TAMM41: variants seen among roughly 807,000 people sequenced by gnomAD.
TAMM41 encodes the protein TAM41 mitochondrial translocator assembly and maintenance homolog.
In TAMM41, 36 loss-of-function variants were observed where a neutral mutation model predicts 44.1. That is an observed-to-expected ratio of 0.82 (90% CI 0.63 to 1.08). TAMM41 has a LOEUF of 1.08. Ranked by LOEUF, TAMM41 falls within the 50% of genes least tolerant of loss-of-function variation. The pLI is 0.00. For missense variants in TAMM41, 417 were observed against 404.3 expected (o/e 1.03, Z -0.27); for synonymous variants, 164 against 153.1 (o/e 1.07, Z -0.53).
chr3:11,729,539 A>ATTTTTTTTTTTTTTTTTTTTTTTT, the TAMM41 span, among the ~76,000 whole-genome samples: 1 of 32,272 alleles, frequency 3.1e-5, no homozygotes, highest in Non-Finnish European at 6.8e-5. Flanking sequence ...TCTTTCTTTC[A>ATTTTTTTTTTTTTTTTTTTTTTTT]TTTTTTTTTT....
chr3:11,771,841 C>T, the TAMM41 span, among the ~76,000 whole-genome samples: 1 of 152,204 alleles, frequency 6.6e-6, no homozygotes, highest in Admixed American at 6.5e-5. Flanking sequence ...CCTCGGCCTC[C>T]CAAAGTGTTG....
At position 11,809,688 on chromosome 3, in the gene TAMM41, G is replaced by A. The variant is rs1434952385; in HGVS notation, c.709-6C>T. On this transcript the variant is annotated splice_polypyrimidine_tract_variant and splice_region_variant and intron_variant, in intron 5 of 7. Coordinates refer to ENST00000455809, the MANE Select transcript of TAMM41 (RefSeq NM_001284401.2). ...CCTTCTGGGCTTTTATCTATCTGAA[G>A]GGAGGAAAAAAAAGACGACGTCTAT... The A allele has an allele frequency of 6.3e-7, 1 of 1,592,576 alleles. No homozygotes were observed. Among genetic ancestry groups the A allele is most frequent in the Admixed American group, 1.9e-5 (1 of 52,200 alleles).
At chr3:11,737,284 C>CATTATT in the TAMM41 span, among the ~76,000 whole-genome samples, 95 of 131,670 alleles carry the variant, frequency 7.2e-4, no homozygotes, top group Admixed American at 1.6e-3. Flanking sequence ...TGTTGGCTTA[C>CATTATT]ATTATTATTA....
intron 3 of TAMM41, among the ~76,000 whole-genome samples, chr3:11,838,872 A>C (rs2079303127): frequency 6.6e-6 from 1 of 151,886 alleles, no homozygotes; most frequent in African/African-American, 2.4e-5. Flanking sequence ...CCTATCCTGA[A>C]TCTATCTAGG....
At chr3:11,733,797 G>C in the TAMM41 span, among the ~76,000 whole-genome samples, 2 of 151,992 alleles carry the variant, frequency 1.3e-5, no homozygotes, top group Non-Finnish European at 2.9e-5. Flanking sequence ...GCCCGGCCAG[G>C]GGGGTCCTGA....
At chr3:11,807,477 C>T in intron 7 of TAMM41, 1 of 1,536,092 alleles carries the variant, frequency 6.5e-7, no homozygotes, top group Non-Finnish European at 8.7e-7. Flanking sequence ...GCAGTTGTCT[C>T]AGAGAAGGGG....
the TAMM41 span, among the ~76,000 whole-genome samples, chr3:11,777,243 A>G: frequency 1.3e-5 from 2 of 152,330 alleles, no homozygotes; most frequent in South Asian, 2.1e-4. Context: ...TATACCTTAA[A>G]TACATATAAT....
At chr3:11,734,575 C>T in the TAMM41 span, among the ~76,000 whole-genome samples, 1 of 152,134 alleles carries the variant, frequency 6.6e-6, no homozygotes. Context: ...TTGTAATTCT[C>T]TTACTCACTA....
intron 3 of TAMM41, among the ~76,000 whole-genome samples, chr3:11,835,902 A>G (rs1392485036): frequency 6.6e-6 from 1 of 152,122 alleles, no homozygotes; most frequent in Non-Finnish European, 1.5e-5. Flanking sequence ...AGGAAGCATC[A>G]GAGCTGGGAT....
chr3:11,805,464 G>C (rs372984146), intron 7 of TAMM41, among the ~76,000 whole-genome samples: 1 of 152,090 alleles, frequency 6.6e-6, no homozygotes, highest in East Asian at 1.9e-4. Context: ...AAGAGACAGG[G>C]TCTTGCTGTG....
At chr3:11,726,658 C>T in the TAMM41 span, among the ~76,000 whole-genome samples, 1 of 152,132 alleles carries the variant, frequency 6.6e-6, no homozygotes, top group Middle Eastern at 3.4e-3. Flanking sequence ...CAAAAATTAG[C>T]CAGGTATTGT....
chr3:11,728,653 C>T, the TAMM41 span, among the ~76,000 whole-genome samples: 2 of 152,136 alleles, frequency 1.3e-5, no homozygotes, highest in Non-Finnish European at 2.9e-5. Flanking sequence ...GCCCCTCTGG[C>T]GATTAGTCGA....
At chr3:11,763,507 G>A in the TAMM41 span, among the ~76,000 whole-genome samples, 1 of 152,192 alleles carries the variant, frequency 6.6e-6, no homozygotes, top group Non-Finnish European at 1.5e-5. Flanking sequence ...GTGGTCTGAA[G>A]GAGTGATCTG....
At position 11,790,537 on chromosome 3, in the gene TAMM41, T is replaced by C. The variant is rs2077453608; in HGVS notation, c.982A>G (p.Met328Val). ...VIYSSLKLHK[M>V]WKGWLRKTS ...GTTTTCCTCAGCCACCCTTTCCACA[T>C]TTTGTGCAGTTTTAGTGAACTATAA... The change falls in exon 8 of 8, where the codon ATG (methionine) becomes GTG (valine). Residue 328 changes from methionine to valine, a missense_variant. Physicochemically the swap from Met to Val is conservative, Grantham distance 21 (BLOSUM62 1). Coordinates refer to ENST00000455809, the MANE Select transcript of TAMM41 (RefSeq NM_001284401.2). 6.2e-7 allele frequency: 1 copy of C among 1,614,128 alleles called. No homozygotes were observed. Among genetic ancestry groups the C allele is most frequent in the East Asian group, 2.2e-5 (1 of 44,886 alleles).
chr3:11,745,935 A>C, the TAMM41 span, among the ~76,000 whole-genome samples: 8,394 of 152,286 alleles, frequency 0.055, 581 homozygotes, highest in African/African-American at 0.16. Flanking sequence ...AAAAAGCCTG[A>C]CAATACCAAG....
the TAMM41 span, among the ~76,000 whole-genome samples, chr3:11,732,989 G>GTTTTTTTTTTTTT: frequency 1.6e-5 from 2 of 128,484 alleles, no homozygotes; most frequent in African/African-American, 5.9e-5. Context: ...TATGATTTGA[G>GTTTTTTTTTTTTT]TTTTTTTTTT....
At chr3:11,773,555 G>A in the TAMM41 span, among the ~76,000 whole-genome samples, 3 of 152,126 alleles carry the variant, frequency 2.0e-5, no homozygotes, top group South Asian at 6.2e-4. Context: ...CTACCATCAA[G>A]TACTAGCAGA....
chr3:11,804,380 T>C (rs1466211232), intron 7 of TAMM41, among the ~76,000 whole-genome samples: 1 of 152,222 alleles, frequency 6.6e-6, no homozygotes, highest in Admixed American at 6.5e-5. Context: ...TCTTGTGTCA[T>C]CTACCCATTA....
At position 11,846,833 on chromosome 3, in the gene TAMM41, A is replaced by T. The variant is rs1442979863; in HGVS notation, c.-197T>A. On this transcript the variant is annotated 5_prime_UTR_variant, in exon 1 of 8. Coordinates refer to ENST00000455809, the MANE Select transcript of TAMM41 (RefSeq NM_001284401.2). Reference sequence around the variant, plus strand: ...GGCCACGAAGAGCAGCGGCGAGAAGACGCAGCCCAGATAGGCTCGGGTGGG... The same window carrying T: ...GGCCACGAAGAGCAGCGGCGAGAAGTCGCAGCCCAGATAGGCTCGGGTGGG... 4 of 670,634 alleles carry T rather than the reference A, an allele frequency of 6.0e-6. No homozygotes were observed. Among genetic ancestry groups the T allele is most frequent in the African/African-American group, 1.8e-5 (1 of 55,182 alleles). The allele number at this position is 670,634 out of a possible 1,614,324, so 41.5% of individuals were successfully genotyped here. A position where few individuals can be genotyped will look rare whatever the true frequency, so the allele number is the denominator to read the frequency against.
Sources: gnomAD v4.1 joint callset for allele counts (sites outside exome capture counted in the v4.1 genomes callset) on GRCh38, gnomAD v4.1.1 for gene constraint, MANE v1.5 for transcripts, NCBI Gene and HGNC (gene_info 2026-07-23, HGNC 2026-07-21) for gene names.